Variants in DDX17 observed in about 807,000 individuals in gnomAD.
DDX17 encodes DEAD-box helicase 17, also known as probable ATP-dependent RNA helicase DDX17.
Under a neutral mutation model 80.8 loss-of-function variants are expected in DDX17, and 10 were observed. The ratio of observed to expected loss-of-function variants is 0.12; its 90% CI spans 0.08 to 0.21. The LOEUF (loss-of-function observed/expected upper bound fraction) is 0.21. Among genes scored for constraint, DDX17 ranks in the 10% least tolerant of loss-of-function variants. The pLI is 1.00. For synonymous variants in DDX17, 339 were observed against 336.2 expected (o/e 1.01, Z -0.09); for missense variants, 586 against 957.4 (o/e 0.61, Z 5.12).
chr22:38,495,997 A>G (rs1224271231), intron 5 of DDX17, 60 bp from the exon 6 acceptor site: 537 of 1,376,040 alleles, frequency 3.9e-4, no homozygotes, highest in African/African-American at 1.5e-3. Context: ...AAAAAAAAAA[A>G]AAGAAGAAAC....
At chr22:38,491,067 C>G (rs1379313762) in intron 11 of DDX17, 1 of 152,568 alleles carries the variant, frequency 6.6e-6, no homozygotes, top group African/African-American at 2.4e-5. Flanking sequence ...TCCCAACAGG[C>G]CCAAGTTCTA....
At chr22:38,502,201 A>T (rs1569143443) in intron 1 of DDX17, among the ~76,000 whole-genome samples, 1 of 152,208 alleles carries the variant, frequency 6.6e-6, no homozygotes, top group African/African-American at 2.4e-5. Flanking sequence ...ACTTGAGGTC[A>T]GGAGTTTGAG....
intron 3 of DDX17, 58 bp downstream of exon 3, chr22:38,499,342 C>T: frequency 1.5e-6 from 2 of 1,341,282 alleles, no homozygotes; most frequent in Non-Finnish European, 2.1e-6. Context: ...ACCTACTACC[C>T]TTGTCTCCCA....
At chr22:38,501,020 A>T (rs2089824996) in intron 2 of DDX17, 110 bp downstream of exon 2, 23 of 1,365,332 alleles carry the variant, frequency 1.7e-5, no homozygotes, top group Non-Finnish European at 2.0e-5. Flanking sequence ...GAAAAATATC[A>T]CCACACTAGA....
intron 1 of DDX17, 25 bp downstream of exon 1, chr22:38,505,926 C>T: frequency 1.9e-6 from 3 of 1,546,564 alleles, no homozygotes; most frequent in Non-Finnish European, 2.6e-6. Flanking sequence ...CACGCCAGGC[C>T]TCTCCTCTCC....
chr22:38,495,159 C>G, intron 6 of DDX17, 113 bp from the exon 7 acceptor site: 3 of 1,024,466 alleles, frequency 2.9e-6, no homozygotes, highest in Non-Finnish European at 4.2e-6. Context: ...AGTTCACAAC[C>G]AGCCTGGTCA....
intron 10 of DDX17, 75 bp downstream of exon 10, chr22:38,493,635 C>T: frequency 7.9e-7 from 1 of 1,272,220 alleles, no homozygotes; most frequent in Middle Eastern, 1.9e-4. Flanking sequence ...TTGCCTATCC[C>T]TGAAATAGAG....
chr22:38,505,971 G>A lies in DDX17; in HGVS notation c.267C>T (p.Asp89=). 1 of 1,588,274 alleles carries A rather than the reference G, an allele frequency of 6.3e-7. No homozygotes were observed. Among genetic ancestry groups the A allele is most frequent in the Non-Finnish European group, 8.6e-7 (1 of 1,167,710 alleles). ...CTTACCCTCCACGGTCACGATCCCG[G>A]TCCCGGTCCCCAAAGCCTCCTCCGC... is the stretch of plus-strand genomic sequence containing the variant. The change falls in exon 1 of 13, where the codon GAC becomes GAT. Residue 89 remains aspartate, a synonymous_variant. Transcript: ENST00000403230.
chr22:38,491,866 A>G (rs2089716945), intron 11 of DDX17, 190 bp downstream of exon 11: 1 of 453,642 alleles, frequency 2.2e-6, no homozygotes, highest in Non-Finnish European at 3.8e-6. Flanking sequence ...GGGTGGGGGA[A>G]ACCAAAGTTA....
At chr22:38,492,551 A>G (rs1388182815) in intron 10 of DDX17, among the ~76,000 whole-genome samples, 1 of 152,100 alleles carries the variant, frequency 6.6e-6, no homozygotes, top group Non-Finnish European at 1.5e-5. Context: ...CAGTGGCGCA[A>G]TCTCAGCTCA....
chr22:38,502,659 A>G (rs971114551), intron 1 of DDX17, among the ~76,000 whole-genome samples: 6 of 152,348 alleles, frequency 3.9e-5, no homozygotes, highest in Non-Finnish European at 7.3e-5. Context: ...GCCAAAGCTA[A>G]TATTTAAGAA....
In DDX17 at chr22:38,494,127, T is replaced by C. The variant is rs1325614407; in HGVS notation, c.1219A>G (p.Ile407Val). The C allele has an allele frequency of 1.2e-6, 2 of 1,607,962 alleles. No homozygotes were observed. Among genetic ancestry groups the C allele is most frequent in the Admixed American group, 1.7e-5 (1 of 59,912 alleles). ...GCCATTATTTCTTCCATTAGTTGGA[T>C]CAACCTGAAAACATGACCAACAATG... Residue 407 changes from isoleucine to valine, a missense_variant, in exon 9 of 13, where the codon ATC becomes GTC. By Grantham distance (29) the Ile-to-Val change is conservative. This residue lies in a region of DDX17 where 141 missense variants were observed against 379.3 expected (regional missense o/e 0.37). Transcript: ENST00000403230.
Position 38,505,945 on chromosome 22 carries a change from C to T in DDX17, c.287+6G>A, listed in dbSNP as rs1398110221. The T allele has an allele frequency of 1.9e-6, 3 of 1,568,192 alleles. No individual in the cohort carries two copies. Among genetic ancestry groups the T allele is most frequent in the African/African-American group, 1.4e-5 (1 of 73,814 alleles). ...CCAGGCCTCTCCTCTCCTCCCCCAC[C>T]CTTACCCTCCACGGTCACGATCCCG... On this transcript the variant is annotated splice_donor_region_variant and intron_variant, in intron 1 of 12. Coordinates refer to ENST00000403230, the MANE Select transcript of DDX17 (RefSeq NM_006386.5).
At position 38,499,450 on chromosome 22, in the gene DDX17, C is replaced by A; in HGVS notation, c.488G>T (p.Gly163Val). ...AAACACGGGTTTAGGACAAACATCT[C>A]CCCCCCTCACTGTAATCTCCTTCTT... is the stretch of plus-strand genomic sequence containing the variant. The change falls in exon 3 of 13, where the codon GGA becomes GTA. Residue 163 changes from glycine to valine, a missense_variant. This residue lies in a region of DDX17 where 215 missense variants were observed against 238.4 expected (regional missense o/e 0.90). Transcript: ENST00000403230. 1.2e-6 allele frequency: 2 copies of A among 1,612,858 alleles called. No individual in the cohort carries two copies. The highest frequency in any genetic ancestry group is 1.7e-6 in the Non-Finnish European group (2 of 1,178,936).
chr22:38,484,588 G>A lies in DDX17; in HGVS notation c.*1347C>T, dbSNP rs1435663532. ...ATCAGATCTGGAAGGGGTTTCTGGGGCTGTCTGATGTCCCTATCCTGTTGT... is the reference window on the plus strand; with the variant it reads ...ATCAGATCTGGAAGGGGTTTCTGGGACTGTCTGATGTCCCTATCCTGTTGT... On this transcript the variant is annotated 3_prime_UTR_variant, in exon 13 of 13. Coordinates refer to ENST00000403230, the MANE Select transcript of DDX17 (RefSeq NM_006386.5). 6.6e-6 allele frequency: 1 copy of A among 152,190 alleles called. No individual in the cohort carries two copies. The highest frequency in any genetic ancestry group is 2.4e-5 in the African/African-American group (1 of 41,440). The allele number at this position is 152,190 out of a possible 1,614,324, so 9.4% of individuals were successfully genotyped here.
At chr22:38,500,376 C>T (rs1325086081) in intron 2 of DDX17, among the ~76,000 whole-genome samples, 2 of 152,076 alleles carry the variant, frequency 1.3e-5, no homozygotes, top group Admixed American at 6.6e-5. Flanking sequence ...GGCATGGTGG[C>T]TCACACCCAT....
chr22:38,496,067 GGTGAAGATCAGAA>G lies in DDX17; in HGVS notation c.739-143_739-131del, dbSNP rs1256142609. 2.8e-5 allele frequency: 22 copies of G among 798,964 alleles called. No homozygotes were observed. The East Asian group carries it at 6.8e-4, about 25-fold the overall frequency. 49.5% of individuals were successfully genotyped at this position (798,964 alleles called of 1,614,324 possible). A position where few individuals can be genotyped will look rare whatever the true frequency, so the allele number is the denominator to read the frequency against. On this transcript the variant is annotated intron_variant, in intron 5 of 12. Coordinates refer to ENST00000403230, the MANE Select transcript of DDX17 (RefSeq NM_006386.5). ...TAATCTAGCACATTAAAAGTGATGG[GGTGAAGATCAGAA>G]GTGGGGAATATTAGCACAATGGAAT...
Position 38,495,968 on chromosome 22 carries a change from C to T in DDX17, c.739-31G>A, listed in dbSNP as rs1469354708. 4 of 884,536 alleles carry T rather than the reference C, an allele frequency of 4.5e-6. No individual in the cohort carries two copies. In the African/African-American group the frequency reaches 8.4e-5, roughly 19 times the overall value. 54.8% of individuals were successfully genotyped at this position (884,536 alleles called of 1,614,324 possible). A position where few individuals can be genotyped will look rare whatever the true frequency, so the allele number is the denominator to read the frequency against. On this transcript the variant is annotated intron_variant, in intron 5 of 12. Coordinates refer to ENST00000403230, the MANE Select transcript of DDX17 (RefSeq NM_006386.5). ...ACCAACAAAAAGACACTTGAGACCT[C>T]ATCCAAGGTTTAAAAAAAAAAAAAA...
At chr22:38,487,554 G>C (rs1355201255) in intron 12 of DDX17, among the ~76,000 whole-genome samples, 1 of 152,216 alleles carries the variant, frequency 6.6e-6, no homozygotes, top group Non-Finnish European at 1.5e-5. Flanking sequence ...GGGAGGCAGA[G>C]GTTGCAATGA....
Sources: gnomAD v4.1 joint callset for allele counts (sites outside exome capture counted in the v4.1 genomes callset) on GRCh38, gnomAD v4.1.1 for gene constraint, gnomAD v4.1.1 regional missense constraint, MANE v1.5 for transcripts, NCBI Gene and HGNC (gene_info 2026-07-23, HGNC 2026-07-21) for gene names.